PCM1: variants seen among roughly 807,000 people sequenced by gnomAD.
PCM1 encodes the protein pericentriolar material 1.
Under a neutral mutation model 241.9 loss-of-function variants are expected in PCM1, and 157 were observed. The ratio of observed to expected loss-of-function variants is 0.65; its 90% CI spans 0.57 to 0.74. The LOEUF (loss-of-function observed/expected upper bound fraction) is 0.74, where lower values mean the gene tolerates loss of function less well. Among genes scored for constraint, PCM1 ranks in the 30% least tolerant of loss-of-function variants. The probability of loss-of-function intolerance (pLI) is 0.00; values close to 1 mark genes in which losing one functional copy is unlikely to be tolerated. For missense variants in PCM1, 3,478 were observed against 2,360.1 expected (o/e 1.47, Z -9.81); for synonymous variants, 1,085 against 784.9 (o/e 1.38, Z -6.39).
chr8:17,956,902 T>G (rs1298470614), intron 11 of PCM1, 125 bp downstream of exon 11: 1 of 785,808 alleles, frequency 1.3e-6, no homozygotes. Context: ...TCTACTATTT[T>G]GGTCAGTGTA....
chr8:17,981,905 GAA>G (rs3216301), intron 24 of PCM1, among the ~76,000 whole-genome samples: 67,823 of 148,974 alleles, frequency 0.46, 16,970 homozygotes, highest in Middle Eastern at 0.59. Context: ...GACAAAAGGG[GAA>G]AAAAAAAAAA....
At chr8:18,004,432 A>G (rs929853295) in intron 29 of PCM1, among the ~76,000 whole-genome samples, 6 of 152,192 alleles carry the variant, frequency 3.9e-5, no homozygotes, top group African/African-American at 1.4e-4. Flanking sequence ...CACAACACTT[A>G]TCTTGTCACC....
At position 18,013,949 on chromosome 8, in the gene PCM1, A is replaced by G. The variant is rs202081463; in HGVS notation, c.5512-15A>G. On this transcript the variant is annotated splice_polypyrimidine_tract_variant and intron_variant, in intron 34 of 38. Transcript: ENST00000325083. ...ATATTTCAGGCCCTGCTATTAAAAC[A>G]TTTTTCCCTTCTAGGTCCTACAACG... The G allele has an allele frequency of 2.8e-5, 44 of 1,558,990 alleles. No individual in the cohort carries two copies. In the African/African-American group the frequency reaches 6.0e-4, roughly 21 times the overall value.
intron 21 of PCM1, among the ~76,000 whole-genome samples, chr8:17,968,728 A>ATGTGTGTG (rs1298559791): frequency 5.1e-5 from 5 of 97,108 alleles, no homozygotes; most frequent in East Asian, 4.6e-4. Context: ...ATGGATGTAT[A>ATGTGTGTG]TATGTGTGTG....
At chr8:18,022,260 C>G (rs1443238634) in intron 36 of PCM1, among the ~76,000 whole-genome samples, 1 of 152,052 alleles carries the variant, frequency 6.6e-6, no homozygotes, top group African/African-American at 2.4e-5. Flanking sequence ...AACTTACCAC[C>G]ACAATGAAAC....
At chr8:17,930,929 A>G (rs549382688) in intron 2 of PCM1, among the ~76,000 whole-genome samples, 6 of 152,202 alleles carry the variant, frequency 3.9e-5, no homozygotes, top group South Asian at 2.1e-4. Context: ...TTAGCTTCAT[A>G]CTAATAGTTT....
intron 36 of PCM1, 102 bp downstream of exon 36, chr8:18,014,942 A>C: frequency 9.4e-7 from 1 of 1,064,700 alleles, no homozygotes; most frequent in Non-Finnish European, 1.3e-6. Context: ...TTTTGTGTTT[A>C]GGTTTAGAAC....
chr8:17,972,334 A>C lies in PCM1; in HGVS notation c.3590A>C (p.Lys1197Thr). 1 of 1,493,908 alleles carries C rather than the reference A, an allele frequency of 6.7e-7. No individual in the cohort carries two copies. The allele number at this position is 1,493,908 out of a possible 1,614,324, so 92.5% of individuals were successfully genotyped here. Residue 1197 changes from lysine (K) to threonine (T), a missense_variant, in exon 23 of 39, where the codon AAA becomes ACA. Lys to Thr is a moderately conservative substitution (Grantham distance 78). Coordinates refer to ENST00000325083, the MANE Select transcript of PCM1 (RefSeq NM_006197.4). ...SSIGAEKPRNKKLPEEEVESS... is the reference protein window; with the variant it reads ...SSIGAEKPRNTKLPEEEVESS... The stretch of plus-strand genomic sequence containing the variant: ...AACTTGTTTTCATTGGTAAGGAATA[A>C]AAAACTGCCTGAAGAGGAGGTGGAA...
chr8:17,996,806 A>G lies in PCM1; in HGVS notation c.4827+3187A>G, dbSNP rs1588115889. ...GCAAACAAAATGAAAACTTATGCAA[A>G]TGTTAACTTTGTTTCCCTGCTTTTT... is the stretch of plus-strand genomic sequence containing the variant. On this transcript the variant is annotated intron_variant, in intron 29 of 38. Transcript: ENST00000325083. Among the ~76,000 whole-genome samples, 3 of 152,318 alleles carry G rather than the reference A, an allele frequency of 2.0e-5. No homozygotes were observed. In the South Asian group the frequency reaches 6.2e-4, roughly 32 times the overall value.
chr8:17,953,661 C>G (rs1031222456), intron 9 of PCM1, among the ~76,000 whole-genome samples: 9 of 152,136 alleles, frequency 5.9e-5, no homozygotes, highest in African/African-American at 1.7e-4. Context: ...CTTCCAACTG[C>G]TGGATTTATA....
chr8:17,963,516 A>G (rs2073498735), intron 17 of PCM1, among the ~76,000 whole-genome samples: 1 of 152,154 alleles, frequency 6.6e-6, no homozygotes, highest in Non-Finnish European at 1.5e-5. Context: ...TTACTATGGC[A>G]CTTGATCAAA....
At chr8:17,963,057 C>T (rs770995058) in intron 16 of PCM1, 44 bp from the exon 17 acceptor site, 3 of 1,457,008 alleles carry the variant, frequency 2.1e-6, no homozygotes, top group African/African-American at 1.4e-5. Context: ...TAGGCTACAG[C>T]AAATCCAAAT....
intron 17 of PCM1, 60 bp downstream of exon 17, chr8:17,963,351 G>A: frequency 2.3e-6 from 3 of 1,292,418 alleles, no homozygotes; most frequent in Non-Finnish European, 3.2e-6. Flanking sequence ...TTGACCTGTA[G>A]GCTAGGCAGC....
rs1163960768 is a variant in PCM1 at position 17,985,730 on chromosome 8, CTA to C, written c.4281+113_4281+114del. 1.2e-4 allele frequency: 104 copies of C among 875,666 alleles called. 3 individuals carry two copies. The highest frequency in any genetic ancestry group is 8.5e-4 in the South Asian group (47 of 55,604). 54.2% of individuals were successfully genotyped at this position (875,666 alleles called of 1,614,324 possible). A position where few individuals can be genotyped will look rare whatever the true frequency, so the allele number is the denominator to read the frequency against. On this transcript the variant is annotated intron_variant, in intron 25 of 38. Coordinates refer to ENST00000325083, the MANE Select transcript of PCM1 (RefSeq NM_006197.4). ...TGCCATATGAATTTTCATCTGTTCT[CTA>C]TGTGCTTTCTTGACATTTTATTTAA...
intron 2 of PCM1, chr8:17,926,678 G>C (rs1273820309): frequency 6.6e-6 from 1 of 152,204 alleles, no homozygotes; most frequent in African/African-American, 2.4e-5. Context: ...ATGCTAGCTA[G>C]CAAGGCATTT....
chr8:17,960,267 C>T lies in PCM1; in HGVS notation c.2193-48C>T, dbSNP rs749917115. ...CTGTGTTATGTTGTGCCTAATGCTT[C>T]ATCACATTTTATTGGAGTCCATAAA... On this transcript the variant is annotated intron_variant, in intron 14 of 38. Transcript: ENST00000325083. 7 of 1,575,912 alleles carry T rather than the reference C, an allele frequency of 4.4e-6. No homozygotes were observed. In the Admixed American group the frequency reaches 5.8e-5, roughly 13 times the overall value.
rs552911906 is a variant in PCM1, at chr8:17,995,705, T to C, written c.4827+2086T>C. ...ATTTTTCCAATCCATGAACATGGAA[T>C]ATCTTTCCCTTTTTGTGTCTTTTTA... On this transcript the variant is annotated intron_variant, in intron 29 of 38. Transcript: ENST00000325083. 8.9e-5 allele frequency among the ~76,000 whole-genome samples: 13 copies of C among 146,474 alleles called. No homozygotes were observed. The East Asian group carries it at 2.5e-3, about 28-fold the overall frequency.
At chr8:17,975,976 T>G (rs557527997) in intron 23 of PCM1, among the ~76,000 whole-genome samples, 167 of 152,338 alleles carry the variant, frequency 1.1e-3, no homozygotes, top group African/African-American at 3.9e-3. Context: ...TCTGATATTA[T>G]TAGTAGTAGC....
chr8:18,001,121 T>G (rs1036279149), intron 29 of PCM1, among the ~76,000 whole-genome samples: 1 of 152,222 alleles, frequency 6.6e-6, no homozygotes, highest in African/African-American at 2.4e-5. Context: ...ATTCAGCATT[T>G]GTAAGTTGTA....
Sources: allele counts gnomAD v4.1 joint callset (sites outside exome capture counted in the v4.1 genomes callset), GRCh38; gene constraint gnomAD v4.1.1; transcripts MANE v1.5; gene names NCBI Gene and HGNC (gene_info 2026-07-23, HGNC 2026-07-21).